The following LRIF1 variants were observed in gnomAD, a reference collection of about 807,000 sequenced individuals.
The protein encoded by LRIF1 is ligand dependent nuclear receptor interacting factor 1.
In LRIF1, 32 loss-of-function variants were observed where a neutral mutation model predicts 52.7. The observed-to-expected ratio is 0.61, with a 90% CI of 0.46 to 0.82. The LOEUF (loss-of-function observed/expected upper bound fraction) is 0.82. LRIF1 is among the 40% of genes least tolerant of loss of function. The pLI, the probability that LRIF1 is intolerant of heterozygous loss-of-function variation, is 0.00. For missense variants in LRIF1, 887 were observed against 892.0 expected (o/e 0.99, Z 0.07); for synonymous variants, 323 against 317.4 (o/e 1.02, Z -0.19).
chr1:110,921,097 T>G, the LRIF1 span, among the ~76,000 whole-genome samples: 55 of 152,330 alleles, frequency 3.6e-4, no homozygotes, highest in African/African-American at 1.3e-3. Flanking sequence ...AAAATATACT[T>G]AAAAGGTCTA....
the LRIF1 span, among the ~76,000 whole-genome samples, chr1:110,902,727 C>T: frequency 1.8e-4 from 27 of 152,052 alleles, no homozygotes; most frequent in Non-Finnish European, 2.8e-4. Context: ...GAAGGTATAG[C>T]GAGATGGTGG....
At chr1:110,933,394 A>T in the LRIF1 span, among the ~76,000 whole-genome samples, 1 of 152,158 alleles carries the variant, frequency 6.6e-6, no homozygotes, top group Admixed American at 6.5e-5. Flanking sequence ...AGCACTCAGT[A>T]CCTGGTTTTA....
At chr1:110,890,963 A>C in the LRIF1 span, among the ~76,000 whole-genome samples, 1 of 152,288 alleles carries the variant, frequency 6.6e-6, no homozygotes, top group Admixed American at 6.5e-5. Flanking sequence ...TAAATCACAG[A>C]GTATTTAAGA....
chr1:110,883,063 T>G, the LRIF1 span, among the ~76,000 whole-genome samples: 1 of 151,966 alleles, frequency 6.6e-6, no homozygotes, highest in Non-Finnish European at 1.5e-5. Flanking sequence ...CATATTTCAT[T>G]TGCACTGCCT....
At chr1:110,915,218 G>A in the LRIF1 span, among the ~76,000 whole-genome samples, 5 of 152,322 alleles carry the variant, frequency 3.3e-5, no homozygotes, top group East Asian at 9.6e-4. Context: ...GGGCGCGGTG[G>A]CTCAAGCCTG....
At chr1:110,878,547 A>AT in the LRIF1 span, among the ~76,000 whole-genome samples, 1 of 152,116 alleles carries the variant, frequency 6.6e-6, no homozygotes, top group Non-Finnish European at 1.5e-5. Flanking sequence ...ACTTTTCTTT[A>AT]TTTTTTAAAT....
the LRIF1 span, chr1:110,941,963 G>C: frequency 1.3e-5 from 2 of 152,000 alleles, no homozygotes; most frequent in African/African-American, 4.8e-5. Context: ...CCTACATGAA[G>C]GTAGCATGCT....
Position 110,952,364 on chromosome 1 carries a change from C to G in LRIF1, c.520G>C (p.Val174Leu). 6.2e-7 allele frequency: 1 copy of G among 1,614,078 alleles called. No individual in the cohort carries two copies. The highest frequency in any genetic ancestry group is 8.5e-7 in the Non-Finnish European group (1 of 1,179,932). ...CCAGAAGGCAAAACTGGAGACTTCA[C>G]AGTCACTGGAAGACTCTGGGTATTA... ...VVNTQSLPVT[V>L]KSPVLPSGHH... The change falls in exon 2 of 4, where the codon GTG (valine) becomes CTG (leucine). Residue 174 changes from valine to leucine, a missense_variant. Physicochemically the swap from Val to Leu is conservative, Grantham distance 32. Coordinates refer to ENST00000369763, the MANE Select transcript of LRIF1 (RefSeq NM_018372.4).
Position 110,950,252 on chromosome 1 carries a change from C to T in LRIF1, c.1597-129G>A, listed in dbSNP as rs141920114. ...TGCTTTATGATTGGTTTGTATTATC[C>T]TTGCCTTACCACCCACACTCAAAAA... On this transcript the variant is annotated intron_variant, in intron 2 of 3. Coordinates refer to ENST00000369763, the MANE Select transcript of LRIF1 (RefSeq NM_018372.4). The T allele has an allele frequency of 3.9e-4, 433 of 1,100,926 alleles. 2 individuals are homozygous for T. The African/African-American group carries it at 6.1e-3, about 15-fold the overall frequency. 68.2% of individuals were successfully genotyped at this position (1,100,926 alleles called of 1,614,324 possible). A position where few individuals can be genotyped will look rare whatever the true frequency, so the allele number is the denominator to read the frequency against.
chr1:110,883,828 A>G, the LRIF1 span, among the ~76,000 whole-genome samples: 1 of 151,924 alleles, frequency 6.6e-6, no homozygotes, highest in Admixed American at 6.6e-5. Flanking sequence ...GCATGAAGTC[A>G]TTTATTATAT....
At chr1:110,905,368 G>C in the LRIF1 span, among the ~76,000 whole-genome samples, 1 of 151,578 alleles carries the variant, frequency 6.6e-6, no homozygotes. Flanking sequence ...CAAGGACAAA[G>C]AAAGGACTCC....
At chr1:110,960,549 T>C (rs1021565120) in intron 1 of LRIF1, among the ~76,000 whole-genome samples, 3 of 152,208 alleles carry the variant, frequency 2.0e-5, no homozygotes, top group Non-Finnish European at 4.4e-5. Context: ...GGATATATAA[T>C]CACAGGCTTT....
At chr1:110,894,884 C>T in the LRIF1 span, 13 of 1,112,488 alleles carry the variant, frequency 1.2e-5, no homozygotes, top group African/African-American at 1.5e-4. Flanking sequence ...AACCACTAAC[C>T]TATACTGGAA....
At chr1:110,929,236 G>A in the LRIF1 span, among the ~76,000 whole-genome samples, 1 of 152,168 alleles carries the variant, frequency 6.6e-6, no homozygotes, top group African/African-American at 2.4e-5. Flanking sequence ...ACATATGCAT[G>A]TGTCTTTATG....
At chr1:110,941,187 C>T in the LRIF1 span, 3 of 152,054 alleles carry the variant, frequency 2.0e-5, no homozygotes, top group Admixed American at 6.5e-5. Flanking sequence ...GTTAAATGTG[C>T]TCATTACTCT....
chr1:110,917,000 A>C, the LRIF1 span, among the ~76,000 whole-genome samples: 1 of 152,236 alleles, frequency 6.6e-6, no homozygotes, highest in South Asian at 2.1e-4. Flanking sequence ...GTGAAACTGC[A>C]GTCATGTTTT....
chr1:110,889,254 G>A, the LRIF1 span, among the ~76,000 whole-genome samples: 1 of 152,044 alleles, frequency 6.6e-6, no homozygotes. Flanking sequence ...AAACAGAGTA[G>A]TTCTTTAAGA....
chr1:110,904,820 G>A, the LRIF1 span, among the ~76,000 whole-genome samples: 1 of 152,148 alleles, frequency 6.6e-6, no homozygotes, highest in African/African-American at 2.4e-5. Context: ...CAATCCTGGG[G>A]AAACAGAGAT....
the LRIF1 span, among the ~76,000 whole-genome samples, chr1:110,924,697 G>A: frequency 6.6e-6 from 1 of 152,168 alleles, no homozygotes; most frequent in African/African-American, 2.4e-5. Flanking sequence ...TGAGATTTGG[G>A]TGGGGATACA....
Sources: gnomAD v4.1 joint callset for allele counts (sites outside exome capture counted in the v4.1 genomes callset) on GRCh38, gnomAD v4.1.1 for gene constraint, MANE v1.5 for transcripts, NCBI Gene and HGNC (gene_info 2026-07-23, HGNC 2026-07-21) for gene names.